TTC27: variants seen among roughly 807,000 people sequenced by gnomAD.
The protein encoded by TTC27 is tetratricopeptide repeat domain 27.
TTC27 carries 79 observed loss-of-function variants against 115.9 expected under a neutral mutation model. The observed-to-expected ratio is 0.68, with a 90% CI of 0.57 to 0.82. TTC27 has a LOEUF of 0.82. Ranked by LOEUF, TTC27 falls within the 40% of genes least tolerant of loss-of-function variation. The pLI is 0.00. For missense variants in TTC27, 1,054 were observed against 993.1 expected (o/e 1.06, Z -0.82); for synonymous variants, 401 against 356.0 (o/e 1.13, Z -1.42).
At position 32,689,001 on chromosome 2, in the gene TTC27, A is replaced by G. The variant is rs977687657; in HGVS notation, c.1119+10079A>G. ...ACAAATGAGTGATAAACTGCCATGT[A>G]TCCCTCTCATGAAATAATACTCAAC... On this transcript the variant is annotated intron_variant, in intron 9 of 19. Transcript: ENST00000317907. Among the ~76,000 whole-genome samples, 8 of 152,136 alleles carry G rather than the reference A, an allele frequency of 5.3e-5. 1 individual carries two copies. The highest frequency in any genetic ancestry group is 1.3e-4 in the Admixed American group (2 of 15,278).
intron 14 of TTC27, among the ~76,000 whole-genome samples, chr2:32,780,888 A>G (rs79710829): frequency 0.015 from 2,242 of 148,332 alleles, 21 homozygotes; most frequent in South Asian, 0.044. Context: ...AATGTTCTAT[A>G]TAAAAGATCT....
intron 14 of TTC27, among the ~76,000 whole-genome samples, chr2:32,778,717 T>A (rs1261521126): frequency 1.3e-5 from 2 of 152,250 alleles, no homozygotes; most frequent in African/African-American, 4.8e-5. Context: ...TGTGGGTATA[T>A]CACATGTTAT....
intron 10 of TTC27, among the ~76,000 whole-genome samples, chr2:32,732,821 C>T (rs1446479186): frequency 2.6e-5 from 4 of 151,930 alleles, no homozygotes; most frequent in Non-Finnish European, 4.4e-5. Flanking sequence ...TTTTCACTAC[C>T]GTCTAATCCT....
intron 4 of TTC27, among the ~76,000 whole-genome samples, chr2:32,640,966 A>G (rs780160030): frequency 2.0e-5 from 3 of 152,122 alleles, no homozygotes; most frequent in Non-Finnish European, 4.4e-5. Context: ...TGGGCAAGAG[A>G]ACAAGACTGT....
intron 13 of TTC27, among the ~76,000 whole-genome samples, chr2:32,767,925 T>C (rs1228982165): frequency 2.0e-5 from 3 of 152,190 alleles, no homozygotes; most frequent in Non-Finnish European, 4.4e-5. Context: ...CAATTTTAAA[T>C]GTGTAAACAA....
chr2:32,667,453 A>T (rs1305406180), intron 7 of TTC27, among the ~76,000 whole-genome samples: 6 of 124,530 alleles, frequency 4.8e-5, no homozygotes, highest in South Asian at 2.5e-4. Context: ...GTCTCACTCT[A>T]TTGCCCAGGC....
At chr2:32,670,713 G>C (rs557126693) in intron 7 of TTC27, among the ~76,000 whole-genome samples, 2 of 152,050 alleles carry the variant, frequency 1.3e-5, no homozygotes, top group Non-Finnish European at 2.9e-5. Context: ...CACCTCCCGG[G>C]TTCAAGTGAT....
At chr2:32,770,243 C>T (rs200917968) in intron 13 of TTC27, among the ~76,000 whole-genome samples, 3 of 152,066 alleles carry the variant, frequency 2.0e-5, no homozygotes, top group Non-Finnish European at 4.4e-5. Context: ...GAAGCATTTT[C>T]CATATATTTT....
intron 3 of TTC27, among the ~76,000 whole-genome samples, chr2:32,638,440 A>G (rs1179348235): frequency 6.6e-6 from 1 of 152,110 alleles, no homozygotes; most frequent in Non-Finnish European, 1.5e-5. Flanking sequence ...GTGCAGTAGC[A>G]TGATCACGGC....
chr2:32,707,351 A>T (rs1667409537), intron 10 of TTC27, among the ~76,000 whole-genome samples: 1 of 152,194 alleles, frequency 6.6e-6, no homozygotes, highest in South Asian at 2.1e-4. Context: ...TAACAAAGCC[A>T]CTTCCATGGT....
chr2:32,735,762 GCT>G (rs1668433924), intron 11 of TTC27, among the ~76,000 whole-genome samples: 1 of 152,038 alleles, frequency 6.6e-6, no homozygotes, highest in Non-Finnish European at 1.5e-5. Flanking sequence ...ATTTATTCCA[GCT>G]CTCACATGCC....
chr2:32,628,468 T>C, intron 1 of TTC27, 88 bp downstream of exon 1: 1 of 1,278,434 alleles, frequency 7.8e-7, no homozygotes, highest in Non-Finnish European at 1.1e-6. Context: ...CCTCCCTTCA[T>C]TTTTCCCTAA....
chr2:32,811,336 C>T (rs1275872503), intron 17 of TTC27, 115 bp downstream of exon 17: 5 of 1,004,580 alleles, frequency 5.0e-6, no homozygotes, highest in Non-Finnish European at 7.3e-6. Flanking sequence ...GATTAGTATG[C>T]TTAAGTTCAG....
At chr2:32,669,256 C>T (rs953517724) in intron 7 of TTC27, among the ~76,000 whole-genome samples, 33 of 152,152 alleles carry the variant, frequency 2.2e-4, no homozygotes, top group Non-Finnish European at 4.4e-4. Context: ...CCTCCCAAAA[C>T]TGTTGGGATT....
chr2:32,733,643 A>T (rs1371388744), intron 10 of TTC27, among the ~76,000 whole-genome samples, 185 bp from the exon 11 acceptor site: 2 of 152,214 alleles, frequency 1.3e-5, no homozygotes, highest in African/African-American at 4.8e-5. Context: ...GTAAATGTGG[A>T]TTAGGTTTAA....
chr2:32,816,071 G>T (rs577066122), intron 18 of TTC27, among the ~76,000 whole-genome samples: 1 of 152,240 alleles, frequency 6.6e-6, no homozygotes, highest in African/African-American at 2.4e-5. Flanking sequence ...TAATTGGGAG[G>T]CTGAGGTGGG....
chr2:32,754,817 G>A (rs1017443602), intron 12 of TTC27, among the ~76,000 whole-genome samples: 10 of 74,118 alleles, frequency 1.3e-4, no homozygotes, highest in Admixed American at 4.0e-4. Context: ...CTGGCTGGGC[G>A]GGGGGGCTGA....
intron 9 of TTC27, among the ~76,000 whole-genome samples, chr2:32,702,105 G>A (rs1667207814): frequency 6.6e-6 from 1 of 151,722 alleles, no homozygotes; most frequent in African/African-American, 2.4e-5. Context: ...AGAATACCAA[G>A]CTTCCCAGGT....
At chr2:32,719,007 G>C (rs1052869851) in intron 10 of TTC27, among the ~76,000 whole-genome samples, 1 of 152,160 alleles carries the variant, frequency 6.6e-6, no homozygotes, top group African/African-American at 2.4e-5. Context: ...AAGCCTAGGG[G>C]GCAGAGGAGG....
Sources: allele counts gnomAD v4.1 joint callset (sites outside exome capture counted in the v4.1 genomes callset), GRCh38; gene constraint gnomAD v4.1.1; transcripts MANE v1.5; gene names NCBI Gene and HGNC (gene_info 2026-07-23, HGNC 2026-07-21).